Variants in FGD5 observed in about 807,000 individuals in gnomAD.
The protein encoded by FGD5 is FYVE, RhoGEF and PH domain-containing protein 5.
In FGD5, 28 loss-of-function variants were observed where a neutral mutation model predicts 133.4. The ratio of observed to expected loss-of-function variants is 0.21; its 90% confidence interval spans 0.16 to 0.29. FGD5 has a LOEUF of 0.29. Among genes scored for constraint, FGD5 ranks in the 10% least tolerant of loss-of-function variants. FGD5 has a pLI of 1.00. For synonymous variants in FGD5, 810 were observed against 776.5 expected, an observed-to-expected ratio of 1.04 and a Z score of -0.72; for missense variants, 1,858 against 1,895.2, an observed-to-expected ratio of 0.98 and a Z score of 0.36.
chr3:14,932,584 T>G lies in FGD5; in HGVS notation c.4205T>G (p.Val1402Gly). The change falls in exon 19 of 20, where the codon GTG (valine) becomes GGG (glycine). Residue 1402 changes from valine to glycine, a missense_variant. Transcript: ENST00000285046. ...LYTYMASEDK[V>G]ALESMPLLGF... ...TCCTTCTGTCCTCTGCAGGACAAAGTGGCCTTGGAGAGTATGCCTCTGCTA... is the reference window on the plus strand; with the variant it reads ...TCCTTCTGTCCTCTGCAGGACAAAGGGGCCTTGGAGAGTATGCCTCTGCTA... 1 of 1,612,424 alleles carries G rather than the reference T, an allele frequency of 6.2e-7. No individual in the cohort carries two copies. Among genetic ancestry groups the G allele is most frequent in the South Asian group, 1.1e-5 (1 of 90,832 alleles).
At chr3:14,902,526 G>T (rs976130588) in intron 9 of FGD5, among the ~76,000 whole-genome samples, 13 of 152,128 alleles carry the variant, frequency 8.5e-5, no homozygotes, top group African/African-American at 3.1e-4. Context: ...GTGAAGGGTA[G>T]ACTGAGAGTG....
chr3:14,899,988 C>T (rs937622606), intron 7 of FGD5, among the ~76,000 whole-genome samples: 2 of 152,162 alleles, frequency 1.3e-5, no homozygotes, highest in Non-Finnish European at 2.9e-5. Flanking sequence ...ATAGAACGAG[C>T]AGATGGAAGA....
At chr3:14,825,658 T>C (rs1437273635) in intron 1 of FGD5, among the ~76,000 whole-genome samples, 1 of 151,882 alleles carries the variant, frequency 6.6e-6, no homozygotes, top group African/African-American at 2.4e-5. Flanking sequence ...AAAAGAAAAA[T>C]GAAATGAAAT....
In FGD5 at chr3:14,924,877, A is replaced by G. The variant is rs530360065; in HGVS notation, c.4068+739A>G. ...AGCACTTTGGGAGGCTGAGGTGGGC[A>G]GATCACGAGGTCGGGAGATCCAGAC... On this transcript the variant is annotated intron_variant, in intron 17 of 19. Transcript: ENST00000285046. 5.1e-4 allele frequency among the ~76,000 whole-genome samples: 77 copies of G among 152,250 alleles called. 1 individual carries two copies. The highest frequency in any genetic ancestry group is 1.8e-3 in the African/African-American group (76 of 41,536).
chr3:14,929,114 G>A (rs951729669), intron 18 of FGD5, among the ~76,000 whole-genome samples: 2 of 152,068 alleles, frequency 1.3e-5, no homozygotes, highest in Non-Finnish European at 2.9e-5. Context: ...ATGGAATCAT[G>A]TGTGACTTCC....
At chr3:14,902,678 G>A (rs2038264155) in intron 9 of FGD5, among the ~76,000 whole-genome samples, 1 of 152,090 alleles carries the variant, frequency 6.6e-6, no homozygotes, top group Admixed American at 6.6e-5. Flanking sequence ...CCTCATTTTG[G>A]CATCTTGTAC....
chr3:14,848,088 C>T (rs1418689116), intron 1 of FGD5, among the ~76,000 whole-genome samples: 7 of 152,122 alleles, frequency 4.6e-5, no homozygotes, highest in Admixed American at 2.6e-4. Flanking sequence ...GAGGAAGTGT[C>T]GGTGTTTACA....
In FGD5 at chr3:14,855,882, A is replaced by G. The variant is rs1002624414; in HGVS notation, c.2526-8246A>G. On this transcript the variant is annotated intron_variant, in intron 1 of 19. Coordinates refer to ENST00000285046, the MANE Select transcript of FGD5 (RefSeq NM_152536.4). ...CTGTACAGATGCTTTGTTGTTTGATATAATCCCATTTGTTTATTTTTACTT... is the reference window on the plus strand; with the variant it reads ...CTGTACAGATGCTTTGTTGTTTGATGTAATCCCATTTGTTTATTTTTACTT... 3.9e-5 allele frequency among the ~76,000 whole-genome samples: 6 copies of G among 152,066 alleles called. No individual in the cohort carries two copies. The South Asian group carries it at 8.3e-4, about 21-fold the overall frequency.
chr3:14,905,315 T>C (rs1299383870), intron 9 of FGD5, among the ~76,000 whole-genome samples: 1 of 152,166 alleles, frequency 6.6e-6, no homozygotes, highest in Non-Finnish European at 1.5e-5. Context: ...TCTCTTTTGA[T>C]TTGATTTTGG....
chr3:14,850,736 A>G (rs978075312), intron 1 of FGD5, among the ~76,000 whole-genome samples: 1 of 139,862 alleles, frequency 7.1e-6, no homozygotes, highest in Non-Finnish European at 1.5e-5. Flanking sequence ...CTCCTGCTGG[A>G]GAGACAGAAG....
At chr3:14,926,458 G>T (rs2038805146) in intron 18 of FGD5, among the ~76,000 whole-genome samples, 1 of 152,248 alleles carries the variant, frequency 6.6e-6, no homozygotes, top group Non-Finnish European at 1.5e-5. Context: ...GTGCCGCAAA[G>T]TGTTTAAATG....
chr3:14,870,772 T>C (rs2037591504), intron 2 of FGD5, among the ~76,000 whole-genome samples: 4 of 152,226 alleles, frequency 2.6e-5, no homozygotes, highest in African/African-American at 4.8e-5. Flanking sequence ...GGAAGCCCCA[T>C]AGATGCTTCA....
upstream of FGD5, among the ~76,000 whole-genome samples, chr3:14,816,924 G>A (rs2036377565): frequency 6.6e-6 from 1 of 152,158 alleles, no homozygotes; most frequent in Non-Finnish European, 1.5e-5. Context: ...TGAAATTGAG[G>A]TGCCAGTGGT....
upstream of FGD5, among the ~76,000 whole-genome samples, chr3:14,816,214 T>C (rs1242734105): frequency 6.6e-6 from 1 of 152,176 alleles, no homozygotes; most frequent in African/African-American, 2.4e-5. Flanking sequence ...GGCCCACCTG[T>C]CCCTTTGTCC....
chr3:14,832,414 G>A (rs771480930), intron 1 of FGD5, among the ~76,000 whole-genome samples: 8 of 152,156 alleles, frequency 5.3e-5, no homozygotes, highest in Non-Finnish European at 1.0e-4. Flanking sequence ...GGTGTAAAGA[G>A]GTTAAGGTGA....
intron 19 of FGD5, among the ~76,000 whole-genome samples, 166 bp from the exon 20 acceptor site, chr3:14,932,965 G>A (rs1424670166): frequency 6.6e-6 from 1 of 152,134 alleles, no homozygotes; most frequent in Non-Finnish European, 1.5e-5. Flanking sequence ...TGTGTTCCAG[G>A]CCTTTTGCTG....
intron 1 of FGD5, among the ~76,000 whole-genome samples, chr3:14,813,710 T>G (rs2036328265): frequency 6.7e-6 from 1 of 149,988 alleles, no homozygotes; most frequent in South Asian, 2.1e-4. Flanking sequence ...GGGAAGGGAC[T>G]TGCCCAAGAT....
intron 4 of FGD5, among the ~76,000 whole-genome samples, chr3:14,887,171 G>T (rs1425394327): frequency 6.6e-6 from 1 of 152,184 alleles, no homozygotes; most frequent in East Asian, 1.9e-4. Context: ...GTCAGGTTTT[G>T]CTTCATGTGT....
chr3:14,860,004 A>G (rs145591799), intron 1 of FGD5, among the ~76,000 whole-genome samples: 44 of 152,342 alleles, frequency 2.9e-4, no homozygotes, highest in East Asian at 9.6e-4. Context: ...GACCCAAACA[A>G]TACATCATGG....
Sources: gnomAD v4.1 joint callset for allele counts (sites outside exome capture counted in the v4.1 genomes callset) on GRCh38, gnomAD v4.1.1 for gene constraint, MANE v1.5 for transcripts, NCBI Gene and HGNC (gene_info 2026-07-23, HGNC 2026-07-21) for gene names.